Variants in MAOB observed in about 807,000 individuals in gnomAD.
MAOB encodes amine oxidase [flavin-containing] B.
A neutral mutation model predicts 41.9 loss-of-function variants in MAOB; 15 were observed. The observed-to-expected ratio is 0.36, with a 90% CI of 0.24 to 0.55. MAOB has a LOEUF of 0.55. Ranked by LOEUF, MAOB falls within the 20% of genes least tolerant of loss-of-function variation. The probability of loss-of-function intolerance (pLI) is 0.86; values close to 1 mark genes in which losing one functional copy is unlikely to be tolerated. For synonymous variants in MAOB, 167 were observed against 144.2 expected (o/e 1.16, Z -1.13); for missense variants, 345 against 398.7 (o/e 0.87, Z 1.15).
Position 43,882,351 on chromosome X carries a change from G to A in MAOB, c.-52C>T, listed in dbSNP as rs753770638. The A allele has an allele frequency of 8.5e-7, 1 of 1,177,809 alleles. No individual in the cohort carries two copies. On this transcript the variant is annotated 5_prime_UTR_variant, in exon 1 of 15. Transcript: ENST00000378069. ...TGGTGCCCGCTGCTCCGTTTTCTGG[G>A]CCTCGATCCCAGTCCTGCCTGCCAG...
chrX:43,797,264 G>C lies in MAOB; in HGVS notation c.479C>G (p.Ser160Cys), dbSNP rs371973652. Reference protein sequence around the residue: ...ELLDKLCWTESAKQLATLFVN... With the variant: ...ELLDKLCWTECAKQLATLFVN... ...AAAGAGAGTGGCAAGCTGCTTTGCAGATCTGCACAGGAAGAAACAAGAGCA... is the reference window on the plus strand; with the variant it reads ...AAAGAGAGTGGCAAGCTGCTTTGCACATCTGCACAGGAAGAAACAAGAGCA... Residue 160 changes from serine (S) to cysteine (C), a missense_variant and splice_region_variant, in exon 6 of 15, where the codon TCT becomes TGT. Coordinates refer to ENST00000378069, the MANE Select transcript of MAOB (RefSeq NM_000898.5). 8.5e-7 allele frequency: 1 copy of C among 1,179,771 alleles called. No individual in the cohort carries two copies. The highest frequency in any genetic ancestry group is 1.8e-5 in the African/African-American group (1 of 57,046).
At chrX:43,857,110 TATATATAGAGAGAGAGAGAGAGAG>T (rs1187215230) in intron 1 of MAOB, among the ~76,000 whole-genome samples, 291 of 19,758 alleles carry the variant, frequency 0.015, no homozygotes, top group Middle Eastern at 0.024. Flanking sequence ...TATATATATA[TATATATAGAGAGAGAGAGAGAGAG>T]AGAGAGAGAG....
rs143964728 is a variant in MAOB at position 43,813,338 on chromosome X, T to C, written c.280-9934A>G. On this transcript the variant is annotated intron_variant, in intron 3 of 14. Coordinates refer to ENST00000378069, the MANE Select transcript of MAOB (RefSeq NM_000898.5). Reference sequence around the variant, plus strand: ...AGTTGAGTTTCATAGCACATAGGGTTGAGTAACTTGTCCAAGGTCACACAG... The same window carrying C: ...AGTTGAGTTTCATAGCACATAGGGTCGAGTAACTTGTCCAAGGTCACACAG... 4.0e-3 allele frequency among the ~76,000 whole-genome samples: 452 copies of C among 112,442 alleles called. 5 individuals carry two copies. Among genetic ancestry groups the C allele is most frequent in the Non-Finnish European group, 5.7e-3 (302 of 53,329 alleles).
In MAOB at chrX:43,879,729, T is replaced by A. The variant is rs1193025181; in HGVS notation, c.46+2525A>T. ...AAAAATCATCAGTGCTATTCATTGATCACAGAAAGAGCTAAACCTTTCTGA... is the reference window on the plus strand; with the variant it reads ...AAAAATCATCAGTGCTATTCATTGAACACAGAAAGAGCTAAACCTTTCTGA... On this transcript the variant is annotated intron_variant, in intron 1 of 14. Coordinates refer to ENST00000378069, the MANE Select transcript of MAOB (RefSeq NM_000898.5). Among the ~76,000 whole-genome samples the A allele has an allele frequency of 6.3e-5, 7 of 111,978 alleles. No homozygotes were observed. The Admixed American group carries it at 6.6e-4, about 11-fold the overall frequency.
At chrX:43,796,006 A>AATAGTG in intron 6 of MAOB, 118 bp from the exon 7 acceptor site, 1 of 754,571 alleles carries the variant, frequency 1.3e-6, no homozygotes, top group Non-Finnish European at 1.8e-6. Flanking sequence ...TGCTGCAGTG[A>AATAGTG]ATAGTGGCTT....
chrX:43,833,544 C>T (rs1471757501), intron 3 of MAOB, among the ~76,000 whole-genome samples: 1 of 111,455 alleles, frequency 9.0e-6, no homozygotes, highest in Non-Finnish European at 1.9e-5. Flanking sequence ...GTCTTTGCAG[C>T]TCCTTTGGAC....
intron 3 of MAOB, among the ~76,000 whole-genome samples, chrX:43,817,381 A>G (rs773599750): frequency 2.7e-5 from 3 of 111,061 alleles, no homozygotes; most frequent in African/African-American, 9.8e-5. Flanking sequence ...CCAGTTCTAA[A>G]TTCAAAATAT....
At chrX:43,792,926 C>T (rs1344735279) in intron 8 of MAOB, among the ~76,000 whole-genome samples, 2 of 111,845 alleles carry the variant, frequency 1.8e-5, no homozygotes, top group African/African-American at 3.2e-5. Context: ...ATGGAATCAA[C>T]GTAGGTGCCC....
rs968700568 is a variant in MAOB at position 43,777,404 on chromosome X, A to C, written c.1137+1278T>G. Reference sequence around the variant, plus strand: ...TATGAAAGCAAAAAAAAAAAGCAAAACATATTCCTCATTAATATTGTTTCT... The same window carrying C: ...TATGAAAGCAAAAAAAAAAAGCAAACCATATTCCTCATTAATATTGTTTCT... On this transcript the variant is annotated intron_variant, in intron 11 of 14. Transcript: ENST00000378069. Among the ~76,000 whole-genome samples the C allele has an allele frequency of 4.5e-5, 5 of 111,695 alleles. No individual in the cohort carries two copies. The South Asian group carries it at 1.9e-3, about 42-fold the overall frequency.
intron 12 of MAOB, among the ~76,000 whole-genome samples, chrX:43,771,325 T>C (rs1487314069): frequency 8.9e-6 from 1 of 112,194 alleles, no homozygotes. Context: ...TTCTGTTAGA[T>C]GATTATGCCC....
At chrX:43,848,212 G>A (rs965898239) in intron 1 of MAOB, among the ~76,000 whole-genome samples, 1 of 111,688 alleles carries the variant, frequency 9.0e-6, no homozygotes, top group African/African-American at 3.3e-5. Context: ...GCAGTTAGAG[G>A]AGCCAGAATA....
chrX:43,768,130 A>G (rs946949504), intron 14 of MAOB, among the ~76,000 whole-genome samples: 8 of 112,128 alleles, frequency 7.1e-5, no homozygotes, highest in Non-Finnish European at 1.1e-4. Context: ...GACCTTTGTG[A>G]CTTTGTCCTC....
chrX:43,776,575 C>A (rs1466005133), intron 11 of MAOB, among the ~76,000 whole-genome samples: 1 of 110,468 alleles, frequency 9.1e-6, no homozygotes, highest in African/African-American at 3.3e-5. Context: ...AAATCAACTC[C>A]ACACTCTTTA....
In MAOB at chrX:43,869,609, T is replaced by C. The variant is rs192881739; in HGVS notation, c.46+12645A>G. Reference sequence around the variant, plus strand: ...CTCTAAACTTAGATTAAATGGATAGTTGTCTCTTCTGCCCTGTTGTAAAAC... The same window carrying C: ...CTCTAAACTTAGATTAAATGGATAGCTGTCTCTTCTGCCCTGTTGTAAAAC... On this transcript the variant is annotated intron_variant, in intron 1 of 14. Transcript: ENST00000378069. 3.1e-4 allele frequency among the ~76,000 whole-genome samples: 35 copies of C among 112,280 alleles called. No individual in the cohort carries two copies. The East Asian group carries it at 9.5e-3, about 30-fold the overall frequency.
intron 3 of MAOB, among the ~76,000 whole-genome samples, chrX:43,827,005 T>C (rs1044317139): frequency 8.9e-6 from 1 of 111,738 alleles, no homozygotes; most frequent in Non-Finnish European, 1.9e-5. Context: ...ATACATGATA[T>C]AATTTATAAG....
chrX:43,862,607 G>A (rs1249951606), intron 1 of MAOB, among the ~76,000 whole-genome samples: 1 of 111,918 alleles, frequency 8.9e-6, no homozygotes, highest in Admixed American at 9.5e-5. Context: ...TTTAATTGCA[G>A]TATCAGGACT....
At chrX:43,785,334 A>G (rs1274029248) in intron 8 of MAOB, among the ~76,000 whole-genome samples, 1 of 112,253 alleles carries the variant, frequency 8.9e-6, no homozygotes, top group Non-Finnish European at 1.9e-5. Context: ...CTAGCTTCAC[A>G]CTTTTCTTCT....
At chrX:43,831,475 T>C (rs2035019191) in intron 3 of MAOB, among the ~76,000 whole-genome samples, 1 of 110,639 alleles carries the variant, frequency 9.0e-6, no homozygotes, top group South Asian at 3.9e-4. Context: ...ACCTCTTATA[T>C]AAGCATCTAC....
At chrX:43,779,528 A>T (rs1009353749) in intron 10 of MAOB, among the ~76,000 whole-genome samples, 43 of 112,051 alleles carry the variant, frequency 3.8e-4, no homozygotes, top group African/African-American at 1.2e-3. Flanking sequence ...AAAAGATAAA[A>T]TTTTATTATA....
Sources: gnomAD v4.1 joint callset for allele counts (sites outside exome capture counted in the v4.1 genomes callset) on GRCh38, gnomAD v4.1.1 for gene constraint, MANE v1.5 for transcripts, NCBI Gene and HGNC (gene_info 2026-07-23, HGNC 2026-07-21) for gene names.